The following ARHGAP24 variants were observed in gnomAD, a reference collection of about 807,000 sequenced individuals.
ARHGAP24 encodes Rho GTPase activating protein 24.
Under a neutral mutation model 76.4 loss-of-function variants are expected in ARHGAP24, and 50 were observed. The observed-to-expected ratio is 0.65, with a 90% CI of 0.52 to 0.83. The LOEUF is 0.83. ARHGAP24 is among the 40% of genes least tolerant of loss of function. ARHGAP24 has a pLI of 0.00. For missense variants in ARHGAP24, 930 were observed against 914.2 expected (o/e 1.02, Z -0.22); for synonymous variants, 345 against 323.3 (o/e 1.07, Z -0.72).
chr4:85,532,657 G>A (rs953771004), intron 1 of ARHGAP24, among the ~76,000 whole-genome samples: 14 of 152,042 alleles, frequency 9.2e-5, no homozygotes, highest in African/African-American at 2.7e-4. Context: ...TGATCATACC[G>A]TGAACATTCG....
intron 2 of ARHGAP24, among the ~76,000 whole-genome samples, chr4:85,697,981 C>T (rs1032385016): frequency 1.3e-5 from 2 of 152,060 alleles, no homozygotes; most frequent in African/African-American, 4.8e-5. Context: ...GAAATATTTT[C>T]TTAGGCAAAC....
intron 3 of ARHGAP24, among the ~76,000 whole-genome samples, chr4:85,766,656 A>T (rs1304535545): frequency 1.3e-5 from 2 of 152,188 alleles, no homozygotes; most frequent in African/African-American, 4.8e-5. Context: ...GTAAAAAAAC[A>T]GATGAAAAAT....
At chr4:85,818,312 A>C (rs1729329220) in intron 3 of ARHGAP24, among the ~76,000 whole-genome samples, 1 of 152,120 alleles carries the variant, frequency 6.6e-6, no homozygotes, top group South Asian at 2.1e-4. Flanking sequence ...AGGGGGTGAA[A>C]TCAACTCCTC....
At chr4:85,623,899 G>A (rs1389785408) in intron 2 of ARHGAP24, among the ~76,000 whole-genome samples, 1 of 145,924 alleles carries the variant, frequency 6.9e-6, no homozygotes, top group Non-Finnish European at 1.5e-5. Flanking sequence ...GTCTGTTATT[G>A]GTGTATAAGA....
At chr4:85,666,983 C>G (rs568636595) in intron 2 of ARHGAP24, among the ~76,000 whole-genome samples, 59 of 152,312 alleles carry the variant, frequency 3.9e-4, no homozygotes, top group Admixed American at 7.8e-4. Flanking sequence ...TGCCCGTTCT[C>G]AGATCTCCAG....
intron 5 of ARHGAP24, among the ~76,000 whole-genome samples, chr4:85,956,919 C>A (rs1334869124): frequency 6.6e-6 from 1 of 152,096 alleles, no homozygotes; most frequent in Admixed American, 6.5e-5. Context: ...GGGAGGGGAC[C>A]CAAAGAGGGT....
intron 3 of ARHGAP24, among the ~76,000 whole-genome samples, chr4:85,839,226 G>A (rs568295825): frequency 4.7e-4 from 71 of 152,178 alleles, no homozygotes; most frequent in Non-Finnish European, 7.9e-4. Flanking sequence ...AAGTATGTGC[G>A]GCTTAACATA....
intron 3 of ARHGAP24, among the ~76,000 whole-genome samples, chr4:85,827,341 T>G (rs1396120179): frequency 6.6e-6 from 1 of 152,180 alleles, no homozygotes; most frequent in Admixed American, 6.5e-5. Context: ...TTTTGGCAAA[T>G]ACTTCAATTT....
intron 4 of ARHGAP24, among the ~76,000 whole-genome samples, chr4:85,932,968 G>A (rs1475609826): frequency 3.9e-5 from 6 of 152,276 alleles, no homozygotes; most frequent in Middle Eastern, 3.4e-3. Context: ...GCAGCATGAC[G>A]CACAGGAGCT....
intron 9 of ARHGAP24, among the ~76,000 whole-genome samples, chr4:85,998,607 C>A (rs1349067802): frequency 1.3e-5 from 2 of 151,986 alleles, no homozygotes; most frequent in African/African-American, 4.8e-5. Flanking sequence ...TATCCTCTGT[C>A]TTTGTTAACT....
intron 3 of ARHGAP24, among the ~76,000 whole-genome samples, chr4:85,878,735 G>C (rs912790551): frequency 1.3e-5 from 2 of 152,090 alleles, no homozygotes; most frequent in African/African-American, 4.8e-5. Flanking sequence ...TATCATAGAG[G>C]ATCTTGCTAT....
intron 3 of ARHGAP24, among the ~76,000 whole-genome samples, chr4:85,916,139 T>C (rs1357320185): frequency 1.3e-5 from 2 of 152,208 alleles, no homozygotes; most frequent in Non-Finnish European, 2.9e-5. Flanking sequence ...GTATCTATTG[T>C]GGTTTTGATT....
At chr4:85,768,926 T>G (rs7679553) in intron 3 of ARHGAP24, among the ~76,000 whole-genome samples, 136,354 of 152,128 alleles carry the variant, frequency 0.9, 63,032 homozygotes, top group East Asian at 1. Context: ...TAAGGTAAAT[T>G]CAACAAAGAT....
intron 2 of ARHGAP24, among the ~76,000 whole-genome samples, chr4:85,599,116 C>T (rs1578067127): frequency 6.6e-6 from 1 of 152,092 alleles, no homozygotes; most frequent in Admixed American, 6.6e-5. Flanking sequence ...CCTCTTTGAA[C>T]AACACAAGTC....
intron 3 of ARHGAP24, among the ~76,000 whole-genome samples, chr4:85,890,200 T>C (rs527469633): frequency 6.6e-6 from 1 of 152,300 alleles, no homozygotes; most frequent in African/African-American, 2.4e-5. Flanking sequence ...ATTTACTCAG[T>C]ATAGAATAAA....
At chr4:85,510,258 G>A (rs1724223896) in intron 1 of ARHGAP24, among the ~76,000 whole-genome samples, 2 of 152,246 alleles carry the variant, frequency 1.3e-5, no homozygotes, top group Middle Eastern at 3.4e-3. Flanking sequence ...TTATCATTGT[G>A]AAAGTGCCAT....
chr4:85,533,298 T>C (rs1169880363), intron 1 of ARHGAP24, among the ~76,000 whole-genome samples: 1 of 152,236 alleles, frequency 6.6e-6, no homozygotes, highest in Admixed American at 6.5e-5. Flanking sequence ...ATTTTGTCCA[T>C]AAAGAAATCT....
intron 1 of ARHGAP24, among the ~76,000 whole-genome samples, chr4:85,516,485 A>G (rs942708249): frequency 6.6e-6 from 1 of 152,174 alleles, no homozygotes; most frequent in Non-Finnish European, 1.5e-5. Flanking sequence ...CCAAGAACCT[A>G]TGGAAGATGT....
At chr4:85,543,044 T>C (rs749347201) in intron 1 of ARHGAP24, among the ~76,000 whole-genome samples, 8 of 152,208 alleles carry the variant, frequency 5.3e-5, no homozygotes, top group Non-Finnish European at 1.2e-4. Context: ...ATTTTAGCTG[T>C]AGTAAGTTCC....
Sources: allele counts gnomAD v4.1 joint callset (sites outside exome capture counted in the v4.1 genomes callset), GRCh38; gene constraint gnomAD v4.1.1; transcripts MANE v1.5; gene names NCBI Gene and HGNC (gene_info 2026-07-23, HGNC 2026-07-21).